The following EIF4ENIF1 variants were observed in gnomAD, a reference collection of about 807,000 sequenced individuals.
EIF4ENIF1 encodes the protein eukaryotic translation initiation factor 4E transporter.
EIF4ENIF1 carries 23 observed loss-of-function variants against 110.5 expected under a neutral mutation model. That is an observed-to-expected ratio of 0.21 (90% CI 0.15 to 0.29). The LOEUF (loss-of-function observed/expected upper bound fraction) is 0.29. Among genes scored for constraint, EIF4ENIF1 ranks in the 10% least tolerant of loss-of-function variants. The probability of loss-of-function intolerance (pLI) is 1.00; values close to 1 mark genes in which losing one functional copy is unlikely to be tolerated. For missense variants in EIF4ENIF1, 1,031 were observed against 1,221.1 expected (o/e 0.84, Z 2.32); for synonymous variants, 440 against 437.0 (o/e 1.01, Z -0.09).
rs768750781 is a variant in EIF4ENIF1, at chr22:31,458,622, G to A, written c.816C>T (p.Ala272=). 1.4e-5 allele frequency: 23 copies of A among 1,608,344 alleles called. No homozygotes were observed. Among genetic ancestry groups the A allele is most frequent in the East Asian group, 2.2e-5 (1 of 44,736 alleles). ...EGIVECNGGV[A]EEDEVEVILA... Reference sequence around the variant, plus strand: ...GGATGACCTCCACTTCATCCTCTTCGGCCACTCCTCCATTGCACTCTACTA... The same window carrying A: ...GGATGACCTCCACTTCATCCTCTTCAGCCACTCCTCCATTGCACTCTACTA... The change falls in exon 7 of 19, where the codon GCC becomes GCT. Residue 272 remains alanine, a synonymous_variant. Transcript: ENST00000330125.
chr22:31,449,843 G>A (rs772581755), intron 11 of EIF4ENIF1, among the ~76,000 whole-genome samples: 7 of 151,200 alleles, frequency 4.6e-5, no homozygotes, highest in Admixed American at 2.6e-4. Flanking sequence ...CGATTCTCAC[G>A]CCTCAGCCTC....
chr22:31,492,549 A>G (rs1478888291), upstream of EIF4ENIF1, among the ~76,000 whole-genome samples: 1 of 152,164 alleles, frequency 6.6e-6, no homozygotes, highest in African/African-American at 2.4e-5. Flanking sequence ...CTTACCTCTC[A>G]AAGTCTCACT....
chr22:31,469,619 C>T (rs1569093937), intron 3 of EIF4ENIF1, among the ~76,000 whole-genome samples: 1 of 152,160 alleles, frequency 6.6e-6, no homozygotes, highest in Non-Finnish European at 1.5e-5. Flanking sequence ...GAAGCTCTCT[C>T]CTCTTTCTTA....
rs1393762548 is a variant in EIF4ENIF1, at chr22:31,449,452, G to T, written c.1664C>A (p.Thr555Lys). 1 of 1,613,836 alleles carries T rather than the reference G, an allele frequency of 6.2e-7. No individual in the cohort carries two copies. The highest frequency in any genetic ancestry group is 8.5e-7 in the Non-Finnish European group (1 of 1,179,820). The part of the protein sequence containing the change: ...SGLMGSLEPT[T>K]SLLGQRAPSP... ...GGGTGCTCTTTGGCCCAGTAAAGATGTTGTAGGCTCCAAGCTCCCCATAAG... is the reference window on the plus strand; with the variant it reads ...GGGTGCTCTTTGGCCCAGTAAAGATTTTGTAGGCTCCAAGCTCCCCATAAG... Residue 555 changes from threonine to lysine, a missense_variant, in exon 12 of 19, where the codon ACA (threonine) becomes AAA (lysine). Physicochemically the swap from Thr to Lys is moderately conservative, Grantham distance 78 (BLOSUM62 -1). Transcript: ENST00000330125.
At chr22:31,465,976 G>A (rs2051171912) in intron 4 of EIF4ENIF1, among the ~76,000 whole-genome samples, 1 of 152,162 alleles carries the variant, frequency 6.6e-6, no homozygotes, top group Non-Finnish European at 1.5e-5. Flanking sequence ...ACAGAAAGCA[G>A]ATACAGAAAG....
chr22:31,457,116 C>T (rs1241966824), intron 7 of EIF4ENIF1, among the ~76,000 whole-genome samples: 1 of 152,102 alleles, frequency 6.6e-6, no homozygotes, highest in East Asian at 1.9e-4. Context: ...ACTGTAATTC[C>T]AAGTCAAAGT....
rs1437173742 is a variant in EIF4ENIF1, at chr22:31,463,810, TCCA to T, written c.453_455del (p.Gly152del). The T allele has an allele frequency of 1.2e-6, 2 of 1,613,986 alleles. No individual in the cohort carries two copies. Among genetic ancestry groups the T allele is most frequent in the Non-Finnish European group, 1.7e-6 (2 of 1,180,022 alleles). The stretch of plus-strand genomic sequence containing the variant: ...TTATCCTCCCACTGCCAATCCTACG[TCCA>T]CCAAGCAGACGAAGCCCATCACTAT... On this transcript the variant is annotated inframe_deletion, in exon 5 of 19. Transcript: ENST00000330125.
In EIF4ENIF1 at chr22:31,455,173, G is replaced by A. The variant is rs372613918; in HGVS notation, c.1242C>T (p.Ser414=). 11 of 1,612,324 alleles carry A rather than the reference G, an allele frequency of 6.8e-6. No individual in the cohort carries two copies. In the African/African-American group the frequency reaches 1.2e-4, roughly 18 times the overall value. The change falls in exon 9 of 19, where the codon TCC becomes TCT. Residue 414 remains serine (S), a synonymous_variant. Coordinates refer to ENST00000330125, the MANE Select transcript of EIF4ENIF1 (RefSeq NM_019843.4). The part of the protein sequence containing the change: ...KAKVDLKPLL[S]SLSANKEKLK... ...GTTTTTCTTTATTTGCAGAAAGGCT[G>A]GAAAGAAGAGGTTTCAAATCCACTT...
In EIF4ENIF1 at chr22:31,439,716, G is replaced by T; in HGVS notation, c.*164C>A. ...ATGTACACTCCACTCGACTGGTTAAGATCCTTCCATCATAATGCGGACCAC... is the reference window on the plus strand; with the variant it reads ...ATGTACACTCCACTCGACTGGTTAATATCCTTCCATCATAATGCGGACCAC... On this transcript the variant is annotated 3_prime_UTR_variant, in exon 19 of 19. Transcript: ENST00000330125. 1 of 951,590 alleles carries T rather than the reference G, an allele frequency of 1.1e-6. No individual in the cohort carries two copies. Among genetic ancestry groups the T allele is most frequent in the Non-Finnish European group, 1.5e-6 (1 of 657,604 alleles). 58.9% of individuals were successfully genotyped at this position (951,590 alleles called of 1,614,324 possible).
chr22:31,440,309 G>C (rs2050251521), intron 18 of EIF4ENIF1, among the ~76,000 whole-genome samples, 188 bp from the exon 19 acceptor site: 1 of 152,132 alleles, frequency 6.6e-6, no homozygotes, highest in Non-Finnish European at 1.5e-5. Context: ...CTATTCAGAA[G>C]CTACCAGTAT....
chr22:31,471,930 G>A lies in EIF4ENIF1; in HGVS notation c.97-13C>T, dbSNP rs77297948. On this transcript the variant is annotated splice_polypyrimidine_tract_variant and intron_variant, in intron 2 of 18. Transcript: ENST00000330125. ...CCAAGAGTTCTTCCTAAAAAGAGAA[G>A]TCAAATAGTCATTTTGAATTACATT... 9.5e-4 allele frequency: 1,506 copies of A among 1,583,834 alleles called. 12 individuals carry two copies. In the African/African-American group the frequency reaches 0.018, roughly 19 times the overall value.
At position 31,449,437 on chromosome 22, in the gene EIF4ENIF1, T is replaced by G. The variant is rs2050580259; in HGVS notation, c.1679A>C (p.Gln560Pro). The change falls in exon 12 of 19, where the codon CAA (glutamine) becomes CCA (proline). Residue 560 changes from glutamine to proline, a missense_variant. Around this residue, in one of 3 missense-constraint regions of EIF4ENIF1, gnomAD observed 704 missense variants for 879.7 expected, o/e 0.80. Transcript: ENST00000330125. ...SLEPTTSLLG[Q>P]RAPSPPLSQV... ...TGACAAGGGAGGAGAGGGTGCTCTT[T>G]GGCCCAGTAAAGATGTTGTAGGCTC... is the stretch of plus-strand genomic sequence containing the variant. The G allele has an allele frequency of 6.2e-7, 1 of 1,614,190 alleles. No homozygotes were observed. The highest frequency in any genetic ancestry group is 8.5e-7 in the Non-Finnish European group (1 of 1,180,010).
At chr22:31,477,249 A>G (rs1261459583) in intron 2 of EIF4ENIF1, among the ~76,000 whole-genome samples, 1 of 151,604 alleles carries the variant, frequency 6.6e-6, no homozygotes, top group African/African-American at 2.4e-5. Flanking sequence ...CTGTAATCTC[A>G]GCCTCACTTG....
chr22:31,490,456 A>G (rs569142664), upstream of EIF4ENIF1, among the ~76,000 whole-genome samples: 15 of 152,340 alleles, frequency 9.8e-5, no homozygotes, highest in East Asian at 5.8e-4. Context: ...CTGTAAATCT[A>G]TGAGGCTTAT....
intron 4 of EIF4ENIF1, among the ~76,000 whole-genome samples, chr22:31,464,904 T>C (rs895764317): frequency 6.6e-6 from 1 of 151,256 alleles, no homozygotes; most frequent in Non-Finnish European, 1.5e-5. Flanking sequence ...TAGACTGGGC[T>C]TGATCAAAAT....
chr22:31,478,489 A>G (rs1427873463), intron 2 of EIF4ENIF1, among the ~76,000 whole-genome samples: 1 of 127,862 alleles, frequency 7.8e-6, no homozygotes, highest in African/African-American at 3.1e-5. Context: ...GCACTACAGC[A>G]TGGGTGACAG....
chr22:31,474,125 T>C (rs1460849846), intron 2 of EIF4ENIF1, among the ~76,000 whole-genome samples: 3 of 152,104 alleles, frequency 2.0e-5, no homozygotes, highest in East Asian at 1.9e-4. Flanking sequence ...TGGCGCAATC[T>C]TGGCTCACTG....
rs1339785501 is a variant in EIF4ENIF1, at chr22:31,442,048, C to G, written c.2277G>C (p.Leu759=). The G allele has an allele frequency of 6.2e-7, 1 of 1,614,156 alleles. No individual in the cohort carries two copies. The highest frequency in any genetic ancestry group is 1.1e-5 in the South Asian group (1 of 91,082). ...RDSSPTTNSK[L]SALQRSSCST... The stretch of plus-strand genomic sequence containing the variant: ...AACACGAAGACCTCTGTAATGCTGA[C>G]AGTTTGGAATTTGTAGTGGGAGAAG... Residue 759 remains leucine, a synonymous_variant, in exon 17 of 19, where the codon CTG becomes CTC. Coordinates refer to ENST00000330125, the MANE Select transcript of EIF4ENIF1 (RefSeq NM_019843.4).
At chr22:31,479,272 T>C (rs1486425879) in intron 2 of EIF4ENIF1, 1 of 152,104 alleles carries the variant, frequency 6.6e-6, no homozygotes, top group Non-Finnish European at 1.5e-5. Flanking sequence ...GGTTTCATCA[T>C]GTTGGCCAGG....
Sources: gnomAD v4.1 joint callset for allele counts (sites outside exome capture counted in the v4.1 genomes callset) on GRCh38, gnomAD v4.1.1 for gene constraint, gnomAD v4.1.1 regional missense constraint, MANE v1.5 for transcripts, NCBI Gene and HGNC (gene_info 2026-07-23, HGNC 2026-07-21) for gene names.